Variants in CCDC180 observed in about 807,000 individuals in gnomAD.
CCDC180 encodes the protein coiled-coil domain containing 180.
CCDC180 carries 154 observed loss-of-function variants against 209.2 expected under a neutral mutation model. The ratio of observed to expected loss-of-function variants is 0.74; its 90% CI spans 0.65 to 0.84. The LOEUF (loss-of-function observed/expected upper bound fraction) is 0.84, where lower values mean the gene tolerates loss of function less well. Among genes scored for constraint, CCDC180 ranks in the 40% least tolerant of loss-of-function variants. The probability of loss-of-function intolerance (pLI) is 0.00; values close to 1 mark genes in which losing one functional copy is unlikely to be tolerated. For missense variants in CCDC180, 1,874 were observed against 1,997.3 expected, an observed-to-expected ratio of 0.94 and a Z score of 1.18; for synonymous variants, 778 against 749.1, an observed-to-expected ratio of 1.04 and a Z score of -0.63.
chr9:97,362,024 C>T (rs909042759), intron 27 of CCDC180, 126 bp downstream of exon 27: 2 of 1,368,336 alleles, frequency 1.5e-6, no homozygotes, highest in Non-Finnish European at 2.0e-6. Context: ...GAGCCTGTGA[C>T]CTCAGGCAAA....
chr9:97,313,421 C>T, intron 5 of CCDC180, 76 bp downstream of exon 5: 2 of 960,852 alleles, frequency 2.1e-6, no homozygotes, highest in Middle Eastern at 2.6e-4. Flanking sequence ...TCCCAGCCTT[C>T]CTCCCCCTCT....
intron 3 of CCDC180, among the ~76,000 whole-genome samples, chr9:97,311,718 G>A (rs1832991390): frequency 1.3e-5 from 2 of 152,166 alleles, no homozygotes; most frequent in Non-Finnish European, 2.9e-5. Flanking sequence ...TCATAGGATG[G>A]GCTGCTGAAG....
At chr9:97,309,911 G>T (rs1267919358) in intron 3 of CCDC180, among the ~76,000 whole-genome samples, 10 of 152,206 alleles carry the variant, frequency 6.6e-5, no homozygotes. Flanking sequence ...GAAAAGCTCT[G>T]ATTAAGGGGA....
intron 17 of CCDC180, 38 bp from the exon 18 acceptor site, chr9:97,330,284 A>G: frequency 3.1e-6 from 5 of 1,612,434 alleles, no homozygotes; most frequent in Non-Finnish European, 3.4e-6. Context: ...GCATCAGTAA[A>G]TTGTCTCTCC....
intron 16 of CCDC180, among the ~76,000 whole-genome samples, chr9:97,329,091 T>G (rs528682532): frequency 8.5e-5 from 13 of 152,302 alleles, no homozygotes; most frequent in African/African-American, 3.1e-4. Flanking sequence ...ACAGGACACC[T>G]GGCTCCTTCC....
chr9:97,318,409 C>T (rs941874093), intron 9 of CCDC180, 54 bp from the exon 10 acceptor site: 10 of 1,601,374 alleles, frequency 6.2e-6, no homozygotes, highest in Admixed American at 3.4e-5. Flanking sequence ...CCCTCTCTCA[C>T]TCCTGCCCTG....
chr9:97,348,122 G>T lies in CCDC180; in HGVS notation c.2674+633G>T, dbSNP rs78114535. Among the ~76,000 whole-genome samples the T allele has an allele frequency of 2.7e-3, 56 of 20,754 alleles. No individual in the cohort carries two copies. In the African/African-American group the frequency reaches 0.042, roughly 16 times the overall value. 13.6% of individuals were successfully genotyped at this position (20,754 alleles called of 152,430 possible). A position where few individuals can be genotyped will look rare whatever the true frequency, so the allele number is the denominator to read the frequency against. ...GGTGGACTCTGTTAATGCGGGGCGG[G>T]GGGGGGGCATGTTTTCAGTAGGATC... On this transcript the variant is annotated intron_variant, in intron 20 of 36. Coordinates refer to ENST00000529487, the MANE Select transcript of CCDC180 (RefSeq NM_020893.6).
Position 97,330,093 on chromosome 9 carries a change from G to T in CCDC180, c.1789-61G>T, listed in dbSNP as rs118069348. 10,853 of 1,301,846 alleles carry T rather than the reference G, an allele frequency of 8.3e-3. 315 individuals are homozygous for T. In the East Asian group the frequency reaches 0.093, roughly 11 times the overall value. 80.6% of individuals were successfully genotyped at this position (1,301,846 alleles called of 1,614,324 possible). ...AAAAAAAAAAAAAAAAAAAAAAGGT[G>T]GGGGGCACTCTGAAGAAAGGCAGTG... On this transcript the variant is annotated intron_variant, in intron 16 of 36. Coordinates refer to ENST00000529487, the MANE Select transcript of CCDC180 (RefSeq NM_020893.6).
chr9:97,359,538 A>G lies in CCDC180; in HGVS notation c.3364-444A>G, dbSNP rs7041756. 2.8e-3 allele frequency among the ~76,000 whole-genome samples: 433 copies of G among 152,190 alleles called. 1 individual carries two copies. Among genetic ancestry groups the G allele is most frequent in the Non-Finnish European group, 4.6e-3 (314 of 67,994 alleles). ...TGCTCCGAGAGGGTGCGTGTTAGAC[A>G]TTGCCATGGAGGTGGCCAGATCACT... On this transcript the variant is annotated intron_variant, in intron 25 of 36. Transcript: ENST00000529487.
At chr9:97,358,003 T>A in intron 25 of CCDC180, 1 of 301,316 alleles carries the variant, frequency 3.3e-6, no homozygotes, top group Non-Finnish European at 6.0e-6. Context: ...CTGACCTCAC[T>A]CCCTTGGGAT....
chr9:97,342,840 C>T (rs574077266), intron 18 of CCDC180, among the ~76,000 whole-genome samples: 2 of 152,364 alleles, frequency 1.3e-5, no homozygotes, highest in African/African-American at 4.8e-5. Context: ...AAGTAACTCT[C>T]ATAAAATAAA....
chr9:97,320,046 T>C lies in CCDC180; in HGVS notation c.1080-80T>C. ...TTAAATCCATGATTTTCTGGAGCTA[T>C]GTTCCTTGAAGATGCTACCCATTTT... On this transcript the variant is annotated intron_variant, in intron 10 of 36. Transcript: ENST00000529487. 3 of 1,042,736 alleles carry C rather than the reference T, an allele frequency of 2.9e-6. No homozygotes were observed. The Admixed American group carries it at 5.1e-5, about 18-fold the overall frequency. The allele number at this position is 1,042,736 out of a possible 1,614,324, so 64.6% of individuals were successfully genotyped here.
intron 32 of CCDC180, among the ~76,000 whole-genome samples, 162 bp from the exon 33 acceptor site, chr9:97,370,479 C>T (rs964485267): frequency 4.6e-5 from 7 of 151,862 alleles, no homozygotes; most frequent in Admixed American, 1.3e-4. Flanking sequence ...TCTAGCCATG[C>T]CCCCCTCTTA....
At chr9:97,359,933 C>T (rs1826701809) in intron 25 of CCDC180, 49 bp from the exon 26 acceptor site, 1 of 1,607,338 alleles carries the variant, frequency 6.2e-7, no homozygotes, top group African/African-American at 1.3e-5. Context: ...TCTACCCACC[C>T]TCCTGCAGTC....
chr9:97,343,497 C>T lies in CCDC180; in HGVS notation c.2432C>T (p.Thr811Ile). ...TTCTCAGCCATGTTCATCAACGACACTTCCAGTGCCAAGTTCATAGAACAA... is the reference window on the plus strand; with the variant it reads ...TTCTCAGCCATGTTCATCAACGACATTTCCAGTGCCAAGTTCATAGAACAA... ...STFSAMFIND[T>I]SSAKFIEQVT... The change falls in exon 19 of 37, where the codon ACT becomes ATT. Residue 811 changes from threonine to isoleucine, a missense_variant. By Grantham distance (89) the Thr-to-Ile change is moderately conservative. Transcript: ENST00000529487. 1.2e-6 allele frequency: 2 copies of T among 1,614,062 alleles called. No individual in the cohort carries two copies. The highest frequency in any genetic ancestry group is 1.7e-6 in the Non-Finnish European group (2 of 1,179,982).
chr9:97,326,814 C>T, intron 15 of CCDC180, 145 bp downstream of exon 15: 1 of 583,712 alleles, frequency 1.7e-6, no homozygotes, highest in South Asian at 2.2e-5. Context: ...TGGCCCTCTG[C>T]AGCTCTACTC....
chr9:97,370,741 T>C lies in CCDC180; in HGVS notation c.4451T>C (p.Leu1484Pro). 2 of 1,614,146 alleles carry C rather than the reference T, an allele frequency of 1.2e-6. No homozygotes were observed. The highest frequency in any genetic ancestry group is 1.7e-6 in the Non-Finnish European group (2 of 1,180,020). The change falls in exon 33 of 37, where the codon CTG (leucine) becomes CCG (proline). Residue 1484 changes from leucine to proline, a missense_variant. By Grantham distance (98) the Leu-to-Pro change is moderately conservative. Coordinates refer to ENST00000529487, the MANE Select transcript of CCDC180 (RefSeq NM_020893.6). ...HLSEEERQEE[L>P]DSMIRMNKEK... The stretch of plus-strand genomic sequence containing the variant: ...AGTGAAGAGGAAAGGCAGGAAGAGC[T>C]GGACAGCATGATTAGGATGAACAAG...
At chr9:97,320,103 A>G (rs754454427) in intron 10 of CCDC180, 23 bp from the exon 11 acceptor site, 2 of 1,601,676 alleles carry the variant, frequency 1.2e-6, no homozygotes, top group South Asian at 2.2e-5. Flanking sequence ...TGTGTGGCTT[A>G]CTTGCTGTAT....
At chr9:97,323,679 G>T in intron 12 of CCDC180, 102 bp from the exon 13 acceptor site, 2 of 1,341,068 alleles carry the variant, frequency 1.5e-6, no homozygotes, top group Non-Finnish European at 2.0e-6. Context: ...TTCACCTGGA[G>T]CTCAGGTCTG....
Sources: gnomAD v4.1 joint callset for allele counts (sites outside exome capture counted in the v4.1 genomes callset) on GRCh38, gnomAD v4.1.1 for gene constraint, MANE v1.5 for transcripts, NCBI Gene and HGNC (gene_info 2026-07-23, HGNC 2026-07-21) for gene names.